The following LTBP1 variants were observed in gnomAD, a reference collection of about 807,000 sequenced individuals.
LTBP1 encodes the protein latent-transforming growth factor beta-binding protein 1.
In LTBP1, 129 loss-of-function variants were observed where a neutral mutation model predicts 207.6. The observed-to-expected ratio is 0.62, with a 90% CI of 0.54 to 0.72. LTBP1 has a LOEUF of 0.72. Among genes scored for constraint, LTBP1 ranks in the 30% least tolerant of loss-of-function variants. The probability of loss-of-function intolerance (pLI) is 0.00; values close to 1 mark genes in which losing one functional copy is unlikely to be tolerated. For synonymous variants in LTBP1, 963 were observed against 833.7 expected (o/e 1.16, Z -2.67); for missense variants, 2,281 against 2,217.2 (o/e 1.03, Z -0.58).
At chr2:32,968,738 T>C (rs910971661) in intron 2 of LTBP1, among the ~76,000 whole-genome samples, 3 of 151,600 alleles carry the variant, frequency 2.0e-5, no homozygotes, top group Admixed American at 1.3e-4. Flanking sequence ...TTTTTTTTTT[T>C]TTTAAGACAG....
chr2:33,220,841 G>C (rs1175215027), intron 8 of LTBP1, among the ~76,000 whole-genome samples: 1 of 152,100 alleles, frequency 6.6e-6, no homozygotes, highest in East Asian at 1.9e-4. Flanking sequence ...GCCTCACTCT[G>C]ATCTTCTCTT....
At chr2:33,059,556 A>G (rs1177991952) in intron 3 of LTBP1, among the ~76,000 whole-genome samples, 3 of 152,222 alleles carry the variant, frequency 2.0e-5, no homozygotes, top group Non-Finnish European at 2.9e-5. Context: ...GATTAAAACA[A>G]TGGAGCCAGA....
chr2:33,141,449 A>G, intron 5 of LTBP1, among the ~76,000 whole-genome samples: 1 of 152,260 alleles, frequency 6.6e-6, no homozygotes, highest in East Asian at 1.9e-4. Flanking sequence ...TACCACAATT[A>G]TAAAAACACA....
chr2:33,314,094 G>A (rs1486214736), intron 23 of LTBP1, among the ~76,000 whole-genome samples: 1 of 152,188 alleles, frequency 6.6e-6, no homozygotes, highest in African/African-American at 2.4e-5. Context: ...GACAAGCTGA[G>A]CATAAAGTCG....
intron 7 of LTBP1, among the ~76,000 whole-genome samples, chr2:33,201,537 G>C (rs182996421): frequency 6.6e-6 from 1 of 151,932 alleles, no homozygotes; most frequent in East Asian, 1.9e-4. Context: ...TAAATAACGA[G>C]TTAATGGGTG....
chr2:33,295,908 T>A (rs1234153101), intron 20 of LTBP1, among the ~76,000 whole-genome samples: 1 of 152,318 alleles, frequency 6.6e-6, no homozygotes, highest in South Asian at 2.1e-4. Context: ...CTGGATTTGA[T>A]GCCTTGCTCC....
intron 5 of LTBP1, among the ~76,000 whole-genome samples, chr2:33,138,792 A>G (rs957204401): frequency 6.0e-5 from 9 of 149,902 alleles, no homozygotes; most frequent in African/African-American, 1.2e-4. Context: ...CTCATGTTCT[A>G]TTAGCACCAA....
rs182691601 is a variant in LTBP1, at chr2:33,151,304, T to C, written c.1201+16344T>C. 4.6e-5 allele frequency among the ~76,000 whole-genome samples: 7 copies of C among 152,334 alleles called. 1 individual carries two copies. In the East Asian group the frequency reaches 1.4e-3, roughly 29 times the overall value. Reference sequence around the variant, plus strand: ...TCTGGGTCAGGTGATAATTCTCTGTTTAACATTTTGAGGAGCTGCCAAACT... The same window carrying C: ...TCTGGGTCAGGTGATAATTCTCTGTCTAACATTTTGAGGAGCTGCCAAACT... On this transcript the variant is annotated intron_variant, in intron 5 of 33. Coordinates refer to ENST00000404816, the MANE Select transcript of LTBP1 (RefSeq NM_206943.4).
chr2:33,167,228 A>C (rs2084996966), intron 5 of LTBP1, among the ~76,000 whole-genome samples: 1 of 152,226 alleles, frequency 6.6e-6, no homozygotes, highest in South Asian at 2.1e-4. Context: ...TCTCTAATAT[A>C]ATATTGACTG....
chr2:33,232,285 A>G (rs1238591029), intron 9 of LTBP1, among the ~76,000 whole-genome samples: 6 of 152,218 alleles, frequency 3.9e-5, no homozygotes, highest in African/African-American at 7.2e-5. Flanking sequence ...ATGCAGAGAC[A>G]AATACAGAAG....
At chr2:32,994,245 G>A (rs566825023) in intron 2 of LTBP1, among the ~76,000 whole-genome samples, 18 of 152,198 alleles carry the variant, frequency 1.2e-4, no homozygotes, top group African/African-American at 4.3e-4. Context: ...AGGACTGATG[G>A]TGTGCCTGGC....
chr2:33,315,037 A>G (rs2149251016), intron 23 of LTBP1, 107 bp from the exon 24 acceptor site: 1 of 882,928 alleles, frequency 1.1e-6, no homozygotes, highest in South Asian at 1.8e-5. Context: ...GTTCCACTAA[A>G]TAAATGTCCA....
Position 32,947,602 on chromosome 2 carries a change from C to T in LTBP1, c.278C>T (p.Ala93Val). The T allele has an allele frequency of 3.0e-6, 4 of 1,312,232 alleles. No individual in the cohort carries two copies. The highest frequency in any genetic ancestry group is 6.5e-5 in the East Asian group (2 of 30,982). 81.3% of individuals were successfully genotyped at this position (1,312,232 alleles called of 1,614,324 possible). Residue 93 changes from alanine to valine, a missense_variant, in exon 1 of 34, where the codon GCG becomes GTG. By Grantham distance (64) the Ala-to-Val change is moderately conservative. Around this residue, in one of 3 missense-constraint regions of LTBP1, gnomAD observed 555 missense variants for 491.0 expected, o/e 1.13. Transcript: ENST00000404816. ...CGGCGCACGAGCAAGCCGGGCGGCG[C>T]GGCCCTGCAGGGGCTCAGACCGCCG... The part of the protein sequence containing the change: ...RTRRTSKPGG[A>V]ALQGLRPPPP...
intron 5 of LTBP1, among the ~76,000 whole-genome samples, chr2:33,179,618 A>G (rs2086417660): frequency 6.7e-6 from 1 of 149,904 alleles, no homozygotes; most frequent in East Asian, 1.9e-4. Context: ...TACCTTCATA[A>G]TGATTATATA....
chr2:33,280,792 T>G lies in LTBP1; in HGVS notation c.3112+634T>G, dbSNP rs186131264. ...ATGCTTAAGAACTTACTATAGGCTA[T>G]GCATGGTGGCTCATGCCTGTAATCC... On this transcript the variant is annotated intron_variant, in intron 19 of 33. Transcript: ENST00000404816. Among the ~76,000 whole-genome samples the G allele has an allele frequency of 2.7e-3, 415 of 152,312 alleles. 4 individuals carry two copies. Among genetic ancestry groups the G allele is most frequent in the Admixed American group, 8.4e-3 (129 of 15,296 alleles).
At chr2:32,958,394 C>T (rs533132590) in intron 2 of LTBP1, among the ~76,000 whole-genome samples, 107 of 152,314 alleles carry the variant, frequency 7.0e-4, no homozygotes, top group African/African-American at 2.2e-3. Context: ...CTTCCATGCC[C>T]CTCTTCTAAG....
rs527452499 is a variant in LTBP1, at chr2:33,356,401, C to T, written c.4001-4196C>T. Among the ~76,000 whole-genome samples the T allele has an allele frequency of 6.6e-5, 10 of 152,226 alleles. No homozygotes were observed. The East Asian group carries it at 1.3e-3, about 21-fold the overall frequency. ...AAGCTTTAAGATCAGAAATGTCTGC[C>T]GGGCGAGGTGACTCACGCCTGTAAT... is the stretch of plus-strand genomic sequence containing the variant. On this transcript the variant is annotated intron_variant, in intron 26 of 33. Transcript: ENST00000404816.
In LTBP1 at chr2:32,966,086, T is replaced by TA. The variant is rs567506837; in HGVS notation, c.565+17142dup. The stretch of plus-strand genomic sequence containing the variant: ...ATTTGCAGTTCCCTAATAAATAACA[T>TA]ATGATGTTGAACATCTTTTTATAAG... On this transcript the variant is annotated intron_variant, in intron 2 of 33. Coordinates refer to ENST00000404816, the MANE Select transcript of LTBP1 (RefSeq NM_206943.4). 4.9e-3 allele frequency among the ~76,000 whole-genome samples: 750 copies of TA among 152,330 alleles called. 11 individuals are homozygous for TA. The highest frequency in any genetic ancestry group is 0.017 in the African/African-American group (725 of 41,584).
chr2:33,209,287 CTTAG>C (rs968239094), intron 7 of LTBP1, among the ~76,000 whole-genome samples: 43 of 152,124 alleles, frequency 2.8e-4, no homozygotes, highest in African/African-American at 1.0e-3. Context: ...TGGGACCTGA[CTTAG>C]TTAGAGAGTC....
Sources: gnomAD v4.1 joint callset for allele counts (sites outside exome capture counted in the v4.1 genomes callset) on GRCh38, gnomAD v4.1.1 for gene constraint, gnomAD v4.1.1 regional missense constraint, MANE v1.5 for transcripts, NCBI Gene and HGNC (gene_info 2026-07-23, HGNC 2026-07-21) for gene names.